The following DOCK4 variants were observed in gnomAD, a reference collection of about 807,000 sequenced individuals.
DOCK4 encodes dedicator of cytokinesis 4.
Under a neutral mutation model 268.1 loss-of-function variants are expected in DOCK4, and 97 were observed. The observed-to-expected ratio is 0.36, with a 90% confidence interval of 0.31 to 0.43. DOCK4 has a LOEUF of 0.43. Ranked by LOEUF, DOCK4 falls within the 20% of genes least tolerant of loss-of-function variation. DOCK4 has a pLI of 1.00. For missense variants in DOCK4, 2,145 were observed against 2,455.7 expected (o/e 0.87, Z 2.67); for synonymous variants, 954 against 887.2 (o/e 1.08, Z -1.34).
intron 1 of DOCK4, among the ~76,000 whole-genome samples, chr7:112,067,127 C>CAAAATG (rs1807148290): frequency 6.6e-6 from 1 of 151,166 alleles, no homozygotes; most frequent in Admixed American, 6.6e-5. Flanking sequence ...TGCAGTGAGC[C>CAAAATG]AAGATCGTGC....
intron 1 of DOCK4, among the ~76,000 whole-genome samples, chr7:112,008,585 G>T (rs1325475476): frequency 6.6e-6 from 1 of 152,154 alleles, no homozygotes; most frequent in Non-Finnish European, 1.5e-5. Context: ...TGGTTTCAAT[G>T]ATGCTATTTG....
At chr7:111,740,424 A>C (rs1234186396) in intron 47 of DOCK4, among the ~76,000 whole-genome samples, 1 of 151,456 alleles carries the variant, frequency 6.6e-6, no homozygotes, top group African/African-American at 2.4e-5. Context: ...TTAAAGAAAA[A>C]AAAAGCCATT....
chr7:111,892,108 C>G (rs756073554), intron 16 of DOCK4, among the ~76,000 whole-genome samples: 2 of 152,126 alleles, frequency 1.3e-5, no homozygotes, highest in Admixed American at 1.3e-4. Context: ...AATTTGATTT[C>G]TAACATTTGA....
intron 1 of DOCK4, among the ~76,000 whole-genome samples, chr7:112,068,938 C>T (rs565712290): frequency 6.6e-6 from 1 of 152,002 alleles, no homozygotes; most frequent in Admixed American, 6.6e-5. Flanking sequence ...TTAAAAACAA[C>T]AAAAAAGAGA....
At chr7:112,015,232 C>G (rs1032615483) in intron 1 of DOCK4, among the ~76,000 whole-genome samples, 1 of 152,166 alleles carries the variant, frequency 6.6e-6, no homozygotes, top group Non-Finnish European at 1.5e-5. Context: ...TGCTAAAACA[C>G]ACTCCCACCA....
intron 8 of DOCK4, among the ~76,000 whole-genome samples, chr7:111,974,491 G>GGTGTGTGTGTGTGT (rs1562952095): frequency 1.1e-5 from 1 of 90,442 alleles, no homozygotes; most frequent in Admixed American, 1.3e-4. Flanking sequence ...ATTGAAGAGG[G>GGTGTGTGTGTGTGT]ATGTGTGTGT....
chr7:111,960,988 A>C (rs1489458938), intron 8 of DOCK4, among the ~76,000 whole-genome samples: 1 of 152,182 alleles, frequency 6.6e-6, no homozygotes, highest in Non-Finnish European at 1.5e-5. Flanking sequence ...TGCAGTCAAC[A>C]TGGAAGTGCA....
chr7:111,818,853 C>CCT lies in DOCK4; in HGVS notation c.2930+3507_2930+3508dup, dbSNP rs574734996. On this transcript the variant is annotated intron_variant, in intron 27 of 52. Transcript: ENST00000428084. ...ATTATTCCTTTGCTGTTTGTTACCC[C>CCT]CTGCTAAGCTTTCAGTTCAAGCTTC... Among the ~76,000 whole-genome samples, 187 of 152,318 alleles carry CCT rather than the reference C, an allele frequency of 1.2e-3. 5 individuals are homozygous for CCT. The South Asian group carries it at 0.026, about 22-fold the overall frequency.
intron 39 of DOCK4, among the ~76,000 whole-genome samples, chr7:111,760,903 T>G (rs1797359504): frequency 6.6e-6 from 1 of 152,034 alleles, no homozygotes; most frequent in East Asian, 1.9e-4. Flanking sequence ...TCTGATTAGA[T>G]ATGACGGATC....
Position 111,728,172 on chromosome 7 carries a change from A to G in DOCK4, c.*102T>C. 1.2e-6 allele frequency: 1 copy of G among 837,850 alleles called. No individual in the cohort carries two copies. Among genetic ancestry groups the G allele is most frequent in the Non-Finnish European group, 1.6e-6 (1 of 608,958 alleles). The allele number at this position is 837,850 out of a possible 1,614,324, so 51.9% of individuals were successfully genotyped here. A position where few individuals can be genotyped will look rare whatever the true frequency, so the allele number is the denominator to read the frequency against. On this transcript the variant is annotated 3_prime_UTR_variant, in exon 53 of 53. Transcript: ENST00000428084. ...AAGTTTTAATTCCATTCATCGAAGGAGCTGAGTAAGTTATTAAAGTGCCTA... is the reference window on the plus strand; with the variant it reads ...AAGTTTTAATTCCATTCATCGAAGGGGCTGAGTAAGTTATTAAAGTGCCTA...
At chr7:112,061,455 C>A (rs755339236) in intron 1 of DOCK4, among the ~76,000 whole-genome samples, 1 of 152,044 alleles carries the variant, frequency 6.6e-6, no homozygotes, top group Non-Finnish European at 1.5e-5. Flanking sequence ...AAGACAGATG[C>A]CCAGGAGCAA....
chr7:111,926,665 C>CAATA (rs1472709339), intron 12 of DOCK4, among the ~76,000 whole-genome samples: 13 of 150,334 alleles, frequency 8.6e-5, no homozygotes, highest in East Asian at 2.0e-4. Context: ...TACTAAAATA[C>CAATA]AATAAATAAA....
intron 1 of DOCK4, among the ~76,000 whole-genome samples, chr7:112,064,106 C>T (rs1279820561): frequency 3.9e-5 from 6 of 152,156 alleles, no homozygotes; most frequent in African/African-American, 1.4e-4. Flanking sequence ...TTAGCTGGCA[C>T]AGGTGCTGGC....
chr7:111,769,870 T>G (rs192825879), intron 36 of DOCK4, among the ~76,000 whole-genome samples, 193 bp from the exon 37 acceptor site: 1 of 152,190 alleles, frequency 6.6e-6, no homozygotes, highest in Non-Finnish European at 1.5e-5. Context: ...GGACTTGGAC[T>G]AATCAGATCT....
At chr7:111,774,669 C>G (rs1337402539) in intron 36 of DOCK4, among the ~76,000 whole-genome samples, 1 of 152,098 alleles carries the variant, frequency 6.6e-6, no homozygotes, top group Non-Finnish European at 1.5e-5. Flanking sequence ...GTATGTGGTA[C>G]AAGTGGTAAG....
intron 32 of DOCK4, among the ~76,000 whole-genome samples, chr7:111,785,375 G>C (rs1437958288): frequency 6.6e-6 from 1 of 152,130 alleles, no homozygotes; most frequent in Non-Finnish European, 1.5e-5. Flanking sequence ...ATTTCCCCGT[G>C]ACAGCCTACA....
At chr7:111,959,523 C>T (rs1294011207) in intron 8 of DOCK4, among the ~76,000 whole-genome samples, 1 of 152,176 alleles carries the variant, frequency 6.6e-6, no homozygotes, top group African/African-American at 2.4e-5. Flanking sequence ...AATACTAGCA[C>T]AGTGCAGGGA....
chr7:111,878,069 A>T (rs954032395), intron 16 of DOCK4, among the ~76,000 whole-genome samples: 2 of 152,202 alleles, frequency 1.3e-5, no homozygotes, highest in Non-Finnish European at 2.9e-5. Flanking sequence ...AGGAAACACA[A>T]GAGATAGAGC....
At chr7:112,159,855 A>C (rs1349467518) in intron 1 of DOCK4, among the ~76,000 whole-genome samples, 1 of 148,666 alleles carries the variant, frequency 6.7e-6, no homozygotes, top group East Asian at 1.9e-4. Context: ...ATATATATAC[A>C]TAATGTATAT....
Sources: gnomAD v4.1 joint callset for allele counts (sites outside exome capture counted in the v4.1 genomes callset) on GRCh38, gnomAD v4.1.1 for gene constraint, MANE v1.5 for transcripts, NCBI Gene and HGNC (gene_info 2026-07-23, HGNC 2026-07-21) for gene names.